The following MEIKIN variants were observed in gnomAD, a reference collection of about 807,000 sequenced individuals.
MEIKIN encodes the protein meiotic kinetochore factor.
At chr5:131,837,032 G>A (rs1313286843) in intron 11 of MEIKIN, among the ~76,000 whole-genome samples, 2 of 151,996 alleles carry the variant, frequency 1.3e-5, no homozygotes, top group African/African-American at 4.8e-5. Context: ...AATCCATCTC[G>A]AGTTGATTTT....
At chr5:131,812,787 G>A (rs796968291) in intron 12 of MEIKIN, among the ~76,000 whole-genome samples, 2 of 152,230 alleles carry the variant, frequency 1.3e-5, no homozygotes. Flanking sequence ...AGATAGAAAC[G>A]CTGCTTGGAG....
At chr5:131,857,500 T>C (rs1750215472) in intron 9 of MEIKIN, among the ~76,000 whole-genome samples, 1 of 152,058 alleles carries the variant, frequency 6.6e-6, no homozygotes, top group African/African-American at 2.4e-5. Flanking sequence ...CCGATCTGAG[T>C]GTCCTCATCT....
In MEIKIN at chr5:131,894,854, A is replaced by G. The variant is rs544113607; in HGVS notation, c.704-15806T>C. ...ATCATGTCATCTGCAAACAGGGACG[A>G]TTTTACTTCCTCTTTTCCGAACTGA... On this transcript the variant is annotated intron_variant, in intron 8 of 12. Coordinates refer to ENST00000442687, the MANE Select transcript of MEIKIN (RefSeq NM_001303622.2). 2.6e-5 allele frequency among the ~76,000 whole-genome samples: 4 copies of G among 152,240 alleles called. No individual in the cohort carries two copies. In the East Asian group the frequency reaches 7.7e-4, roughly 29 times the overall value.
intron 8 of MEIKIN, among the ~76,000 whole-genome samples, chr5:131,896,249 G>C (rs1434877613): frequency 2.0e-5 from 3 of 152,192 alleles, no homozygotes; most frequent in East Asian, 1.9e-4. Context: ...TGGTCTGAGA[G>C]ACAGTTTGTG....
In MEIKIN at chr5:131,872,995, G is replaced by T. The variant is rs547103710; in HGVS notation, c.774+5983C>A. ...GCCTGCCCTAAAAGAGCTCCTGAAGGAAGCACTAAACATGGAAAGGAACAA... is the reference window on the plus strand; with the variant it reads ...GCCTGCCCTAAAAGAGCTCCTGAAGTAAGCACTAAACATGGAAAGGAACAA... On this transcript the variant is annotated intron_variant, in intron 9 of 12. Transcript: ENST00000442687. 3.7e-3 allele frequency among the ~76,000 whole-genome samples: 565 copies of T among 152,282 alleles called. 1 individual carries two copies. Among genetic ancestry groups the T allele is most frequent in the African/African-American group, 0.013 (535 of 41,552 alleles).
At chr5:131,867,906 G>C (rs1001431936) in intron 9 of MEIKIN, among the ~76,000 whole-genome samples, 3 of 152,128 alleles carry the variant, frequency 2.0e-5, no homozygotes, top group Non-Finnish European at 4.4e-5. Flanking sequence ...GTAATTGCTG[G>C]ATCATATATG....
intron 9 of MEIKIN, among the ~76,000 whole-genome samples, chr5:131,866,203 T>G (rs1476859433): frequency 2.0e-5 from 3 of 152,218 alleles, no homozygotes; most frequent in Non-Finnish European, 4.4e-5. Context: ...TTTCCAGATC[T>G]GCAAGTGGCA....
chr5:131,812,389 G>A (rs1580854597), intron 12 of MEIKIN, among the ~76,000 whole-genome samples: 1 of 151,858 alleles, frequency 6.6e-6, no homozygotes, highest in African/African-American at 2.4e-5. Flanking sequence ...ATATTTTTTG[G>A]TGACACATAT....
intron 6 of MEIKIN, 101 bp from the exon 7 acceptor site, chr5:131,917,026 T>A (rs1751424549): frequency 2.6e-6 from 1 of 382,850 alleles, no homozygotes; most frequent in Non-Finnish European, 4.6e-6. Context: ...TTTTTATAAC[T>A]TTTTAAATAT....
intron 9 of MEIKIN, among the ~76,000 whole-genome samples, chr5:131,861,929 T>G (rs1436652924): frequency 6.6e-6 from 1 of 152,186 alleles, no homozygotes; most frequent in Non-Finnish European, 1.5e-5. Flanking sequence ...GTTGTGTCCT[T>G]GTTTAGTTTT....
chr5:131,835,308 T>C (rs1749787683), intron 11 of MEIKIN, among the ~76,000 whole-genome samples: 1 of 152,040 alleles, frequency 6.6e-6, no homozygotes, highest in African/African-American at 2.4e-5. Context: ...TTTTCTAACA[T>C]TCTATAGGTG....
intron 11 of MEIKIN, among the ~76,000 whole-genome samples, chr5:131,832,141 C>T (rs530514260): frequency 5.3e-4 from 81 of 152,172 alleles, no homozygotes; most frequent in African/African-American, 1.8e-3. Flanking sequence ...AAGTCCCTTC[C>T]GCCTATGAGC....
At chr5:131,835,883 A>G (rs763031304) in intron 11 of MEIKIN, among the ~76,000 whole-genome samples, 8 of 152,168 alleles carry the variant, frequency 5.3e-5, no homozygotes, top group East Asian at 3.9e-4. Flanking sequence ...GTGAGCCACC[A>G]TGCCCAGCCA....
rs570208626 is a variant in MEIKIN at position 131,842,178 on chromosome 5, G to A, written c.975+9086C>T. Among the ~76,000 whole-genome samples, 10 of 152,234 alleles carry A rather than the reference G, an allele frequency of 6.6e-5. No individual in the cohort carries two copies. The South Asian group carries it at 1.9e-3, about 28-fold the overall frequency. On this transcript the variant is annotated intron_variant, in intron 11 of 12. Transcript: ENST00000442687. Reference sequence around the variant, plus strand: ...GATGGGGTTTTACCATGTTGGCCAGGATGATCTCAATCTCTTGACCTCGTG... The same window carrying A: ...GATGGGGTTTTACCATGTTGGCCAGAATGATCTCAATCTCTTGACCTCGTG...
intron 8 of MEIKIN, among the ~76,000 whole-genome samples, chr5:131,894,225 T>G (rs895298248): frequency 6.6e-6 from 1 of 152,206 alleles, no homozygotes; most frequent in Non-Finnish European, 1.5e-5. Context: ...GTGGTGTTAT[T>G]TCTGAGGCCT....
At chr5:131,891,144 G>T (rs1333832092) in intron 8 of MEIKIN, among the ~76,000 whole-genome samples, 1 of 152,124 alleles carries the variant, frequency 6.6e-6, no homozygotes, top group Non-Finnish European at 1.5e-5. Context: ...CAACTATGTG[G>T]TCAATTTTGG....
intron 8 of MEIKIN, among the ~76,000 whole-genome samples, chr5:131,890,800 T>C (rs1750898150): frequency 6.6e-6 from 1 of 152,204 alleles, no homozygotes. Flanking sequence ...TTCTTTTAAT[T>C]GTGATGTTAG....
intron 9 of MEIKIN, among the ~76,000 whole-genome samples, chr5:131,861,159 A>G (rs1750279174): frequency 6.6e-6 from 1 of 151,940 alleles, no homozygotes; most frequent in South Asian, 2.1e-4. Flanking sequence ...GGGAGGCCGA[A>G]GTGGGCGGAT....
In MEIKIN at chr5:131,897,269, C is replaced by G. The variant is rs541952325; in HGVS notation, c.703+14546G>C. On this transcript the variant is annotated intron_variant, in intron 8 of 12. Coordinates refer to ENST00000442687, the MANE Select transcript of MEIKIN (RefSeq NM_001303622.2). ...AGAGATCCACTGTTAGTCTGACGGG[C>G]TTCCCTTTGTGGGTAACCCAACCTT... Among the ~76,000 whole-genome samples, 5 of 152,342 alleles carry G rather than the reference C, an allele frequency of 3.3e-5. No homozygotes were observed. The South Asian group carries it at 1.0e-3, about 32-fold the overall frequency.
Sources: gnomAD v4.1 joint callset for allele counts (sites outside exome capture counted in the v4.1 genomes callset) on GRCh38, gnomAD v4.1.1 for gene constraint, MANE v1.5 for transcripts, NCBI Gene and HGNC (gene_info 2026-07-23, HGNC 2026-07-21) for gene names.